DLG5: variants seen among roughly 807,000 people sequenced by gnomAD.
The protein encoded by DLG5 is disks large homolog 5.
In DLG5, 48 loss-of-function variants were observed where a neutral mutation model predicts 189.8. That is an observed-to-expected ratio of 0.25 (90% CI 0.20 to 0.32). DLG5 has a LOEUF of 0.32. DLG5 is among the 10% of genes least tolerant of loss of function. The pLI is 1.00. For synonymous variants in DLG5, 1,016 were observed against 1,054.1 expected, an observed-to-expected ratio of 0.96 and a Z score of 0.70; for missense variants, 2,160 against 2,544.7, an observed-to-expected ratio of 0.85 and a Z score of 3.25.
chr10:77,814,160 T>A (rs1841919584), intron 20 of DLG5, among the ~76,000 whole-genome samples: 1 of 151,900 alleles, frequency 6.6e-6, no homozygotes, highest in Non-Finnish European at 1.5e-5. Context: ...GTATTTTTAG[T>A]AGAGACAGGG....
chr10:77,940,208 C>G, the DLG5 span, among the ~76,000 whole-genome samples: 1 of 152,194 alleles, frequency 6.6e-6, no homozygotes, highest in Non-Finnish European at 1.5e-5. Flanking sequence ...CTACAGCTTC[C>G]TGATGTCAAC....
intron 27 of DLG5, among the ~76,000 whole-genome samples, chr10:77,801,934 A>C (rs1841227034): frequency 6.6e-6 from 1 of 152,192 alleles, no homozygotes; most frequent in Non-Finnish European, 1.5e-5. Flanking sequence ...TCCTAAATAA[A>C]ACCCCACGGG....
intron 2 of DLG5, 136 bp downstream of exon 2, chr10:77,868,993 T>G: frequency 1.4e-6 from 1 of 722,652 alleles, no homozygotes; most frequent in Non-Finnish European, 2.3e-6. Flanking sequence ...AAAATGTAAA[T>G]GAAATCAACG....
chr10:77,907,519 C>T (rs1325970755), intron 1 of DLG5, among the ~76,000 whole-genome samples: 10 of 152,130 alleles, frequency 6.6e-5, no homozygotes, highest in Admixed American at 6.5e-4. Flanking sequence ...GTGGAGGTGG[C>T]CATGAGCTGA....
At chr10:77,853,333 G>A (rs74931097) in intron 5 of DLG5, 21 bp downstream of exon 5, 1 of 1,470,608 alleles carries the variant, frequency 6.8e-7, no homozygotes, top group Non-Finnish European at 9.1e-7. Flanking sequence ...GAAATGGCCA[G>A]TCTCCAGGGG....
chr10:77,870,377 G>A (rs903396550), intron 1 of DLG5, among the ~76,000 whole-genome samples: 1 of 152,164 alleles, frequency 6.6e-6, no homozygotes, highest in Admixed American at 6.5e-5. Flanking sequence ...AAGAAATGTG[G>A]AGGACCACAT....
intron 1 of DLG5, among the ~76,000 whole-genome samples, chr10:77,878,293 G>A (rs1180099473): frequency 6.6e-6 from 1 of 152,324 alleles, no homozygotes; most frequent in East Asian, 1.9e-4. Flanking sequence ...TACTTTCTGT[G>A]CATTTCCTCA....
chr10:77,821,851 T>A lies in DLG5; in HGVS notation c.2633A>T (p.Gln878Leu). The change falls in exon 15 of 32, where the codon CAG (glutamine) becomes CTG (leucine). Residue 878 changes from glutamine to leucine, a missense_variant. Physicochemically the swap from Gln to Leu is moderately radical, Grantham distance 113 (BLOSUM62 -2). Coordinates refer to ENST00000372391, the MANE Select transcript of DLG5 (RefSeq NM_004747.4). ...ACTGGGACAGGCCTGGGGGCAGACC[T>A]GCAAGGGTCCCCCAGGGAATGGCTT... ...LHKPFPGGPL[Q>L]VCPQACPSAS... The A allele has an allele frequency of 6.2e-7, 1 of 1,614,002 alleles. No individual in the cohort carries two copies. Among genetic ancestry groups the A allele is most frequent in the Non-Finnish European group, 8.5e-7 (1 of 1,179,932 alleles).
rs1331936254 is a variant in DLG5 at position 77,806,912 on chromosome 10, G to A, written c.4813C>T (p.Leu1605=). The A allele has an allele frequency of 2.5e-6, 4 of 1,613,578 alleles. No individual in the cohort carries two copies. In the African/African-American group the frequency reaches 5.3e-5, roughly 22 times the overall value. ...CTCAACTCTTGCTCCACATCTGCCA[G>A]CCGGTCGTACAGGGCCCTGGACCAC... ...SFYIRALYDR[L]ADVEQELSFK... Residue 1605 remains leucine, a synonymous_variant, in exon 26 of 32, where the codon CTG becomes TTG. Coordinates refer to ENST00000372391, the MANE Select transcript of DLG5 (RefSeq NM_004747.4).
intron 1 of DLG5, among the ~76,000 whole-genome samples, chr10:77,885,646 C>CA (rs1170406958): frequency 1.3e-5 from 2 of 152,214 alleles, no homozygotes; most frequent in African/African-American, 4.8e-5. Flanking sequence ...TGGGACCCTC[C>CA]AGCCTGCACC....
At chr10:77,918,162 G>A (rs921699438) in intron 1 of DLG5, among the ~76,000 whole-genome samples, 3 of 152,082 alleles carry the variant, frequency 2.0e-5, no homozygotes, top group South Asian at 4.1e-4. Context: ...TGTAATCCCA[G>A]CACTTTGAGA....
intron 2 of DLG5, chr10:77,868,359 C>T (rs1409677465): frequency 8.5e-6 from 3 of 353,208 alleles, no homozygotes; most frequent in African/African-American, 2.1e-5. Flanking sequence ...CCCAAGCCCA[C>T]CTCTGGCACA....
At chr10:77,873,998 G>C (rs1226928437) in intron 1 of DLG5, among the ~76,000 whole-genome samples, 2 of 152,352 alleles carry the variant, frequency 1.3e-5, no homozygotes, top group South Asian at 4.1e-4. Context: ...AGCTCACACT[G>C]AGGAACCACA....
chr10:77,823,206 G>C (rs890034201), intron 14 of DLG5, among the ~76,000 whole-genome samples: 1 of 152,268 alleles, frequency 6.6e-6, no homozygotes, highest in East Asian at 1.9e-4. Flanking sequence ...TAAGAATTCT[G>C]TATCAGCCCA....
intron 14 of DLG5, 51 bp downstream of exon 14, chr10:77,824,333 G>A (rs1268532318): frequency 8.6e-6 from 12 of 1,400,458 alleles, no homozygotes; most frequent in South Asian, 7.1e-5. Context: ...GTGGAGCCGG[G>A]GCTCTGCCCA....
intron 1 of DLG5, among the ~76,000 whole-genome samples, chr10:77,896,243 G>A (rs1288348096): frequency 2.0e-5 from 3 of 152,160 alleles, no homozygotes; most frequent in Admixed American, 6.5e-5. Context: ...TATTTGGCTA[G>A]TATAACGTTA....
At position 77,829,533 on chromosome 10, in the gene DLG5, G is replaced by A; in HGVS notation, c.2010-3C>T. Reference sequence around the variant, plus strand: ...TTCTCAGCAGCCAGTCATTGACCCTGAGAAAGGGCACAGCCAGTTCAGCAC... The same window carrying A: ...TTCTCAGCAGCCAGTCATTGACCCTAAGAAAGGGCACAGCCAGTTCAGCAC... On this transcript the variant is annotated splice_polypyrimidine_tract_variant and splice_region_variant and intron_variant, in intron 11 of 31. Coordinates refer to ENST00000372391, the MANE Select transcript of DLG5 (RefSeq NM_004747.4). 6.3e-7 allele frequency: 1 copy of A among 1,599,590 alleles called. No homozygotes were observed. Among genetic ancestry groups the A allele is most frequent in the Non-Finnish European group, 8.5e-7 (1 of 1,171,474 alleles).
intron 3 of DLG5, 135 bp from the exon 4 acceptor site, chr10:77,854,505 TG>T (rs774671892): frequency 7.6e-6 from 9 of 1,191,354 alleles, no homozygotes; most frequent in Admixed American, 2.6e-5. Context: ...CCTGGGTGTT[TG>T]TTAAACTCAG....
At position 77,856,190 on chromosome 10, in the gene DLG5, T is replaced by TA. The variant is rs59643148; in HGVS notation, c.536+539dup. Reference sequence around the variant, plus strand: ...AAAGACCCTGCTGCTACAAAAAAATTAAAAAAAAAAAATTAGTTGGGCATG... The same window carrying TA: ...AAAGACCCTGCTGCTACAAAAAAATTAAAAAAAAAAAAATTAGTTGGGCATG... On this transcript the variant is annotated intron_variant, in intron 3 of 31. Coordinates refer to ENST00000372391, the MANE Select transcript of DLG5 (RefSeq NM_004747.4). Among the ~76,000 whole-genome samples the TA allele has an allele frequency of 1.8e-3, 261 of 145,136 alleles. 2 individuals are homozygous for TA. The highest frequency in any genetic ancestry group is 3.0e-3 in the African/African-American group (120 of 39,700).
Sources: allele counts gnomAD v4.1 joint callset (sites outside exome capture counted in the v4.1 genomes callset), GRCh38; gene constraint gnomAD v4.1.1; transcripts MANE v1.5; gene names NCBI Gene and HGNC (gene_info 2026-07-23, HGNC 2026-07-21).